Variants in ZCCHC14 observed in about 807,000 individuals in gnomAD.
ZCCHC14 encodes the protein zinc finger CCHC-type containing 14, also known as zinc finger CCHC domain-containing protein 14.
ZCCHC14 carries 16 observed loss-of-function variants against 85.0 expected under a neutral mutation model. The observed-to-expected ratio is 0.19, with a 90% CI of 0.13 to 0.29. The LOEUF is 0.29. ZCCHC14 is among the 10% of genes least tolerant of loss of function. ZCCHC14 has a pLI of 1.00. For missense variants in ZCCHC14, 1,303 were observed against 1,443.5 expected, an observed-to-expected ratio of 0.90 and a Z score of 1.58; for synonymous variants, 775 against 630.7, an observed-to-expected ratio of 1.23 and a Z score of -3.43.
At position 87,492,860 on chromosome 16, in the gene ZCCHC14, C is replaced by T. The variant is rs1419811801; in HGVS notation, c.-622G>A. On this transcript the variant is annotated 5_prime_UTR_variant, in exon 1 of 13. Transcript: ENST00000671377. The surrounding 1 kb of genome is among the most constrained non-coding windows in gnomAD (Gnocchi z 6.7). ...GAGGCGCGGAGGGATCCGGCCGGGA[C>T]TTGCCGGCCTTGCTGCTCCCGCGCG... is the stretch of plus-strand genomic sequence containing the variant. 6.7e-6 allele frequency among the ~76,000 whole-genome samples: 1 copy of T among 148,328 alleles called. No homozygotes were observed. The highest frequency in any genetic ancestry group is 2.0e-4 in the East Asian group (1 of 5,094).
At chr16:87,469,406 T>C (rs139734339) in intron 1 of ZCCHC14, among the ~76,000 whole-genome samples, 1,922 of 152,326 alleles carry the variant, frequency 0.013, 22 homozygotes, top group Non-Finnish European at 0.021. Context: ...AAGTGCAGAC[T>C]TTAGGTCCTG....
intron 1 of ZCCHC14, among the ~76,000 whole-genome samples, chr16:87,489,570 G>A (rs1429373916): frequency 1.3e-5 from 2 of 152,194 alleles, no homozygotes; most frequent in African/African-American, 2.4e-5. Flanking sequence ...AAGCCTGTGA[G>A]GTAGGTTACA....
At chr16:87,475,014 A>C (rs1029868527) in intron 1 of ZCCHC14, among the ~76,000 whole-genome samples, 1 of 152,234 alleles carries the variant, frequency 6.6e-6, no homozygotes, top group African/African-American at 2.4e-5. Context: ...GAGTTTCTAC[A>C]ACAGATCACT....
intron 2 of ZCCHC14, among the ~76,000 whole-genome samples, chr16:87,434,536 G>A (rs959718144): frequency 6.6e-5 from 10 of 152,348 alleles, no homozygotes; most frequent in South Asian, 2.1e-4. Flanking sequence ...TTTGTCCAAC[G>A]TGAAATACTC....
Position 87,420,598 on chromosome 16 carries a change from G to C in ZCCHC14, c.950+9C>G. ...TGTGGACGCGCCGGGTGCCTGGTAA[G>C]GGCCTCACCTCAGGCCTGAGTCCAG... On this transcript the variant is annotated intron_variant, in intron 5 of 12. Transcript: ENST00000671377. The surrounding 1 kb of genome is among the most constrained non-coding windows in gnomAD (Gnocchi z 5.0). 1 of 1,609,288 alleles carries C rather than the reference G, an allele frequency of 6.2e-7. No individual in the cohort carries two copies. Among genetic ancestry groups the C allele is most frequent in the Non-Finnish European group, 8.5e-7 (1 of 1,177,442 alleles).
chr16:87,412,189 G>A lies in ZCCHC14; in HGVS notation c.2532C>T (p.Ala844=), dbSNP rs566782487. The A allele has an allele frequency of 1.8e-5, 29 of 1,614,046 alleles. No individual in the cohort carries two copies. The East Asian group carries it at 5.8e-4, about 32-fold the overall frequency. The change falls in exon 12 of 13, where the codon GCC becomes GCT. Residue 844 remains alanine, a synonymous_variant. Transcript: ENST00000671377. ...ACGTGGAGGGGTGGCTGCTGGGAGA[G>A]GCAGTGTTGCTGTTTGCACAGAAGC... is the stretch of plus-strand genomic sequence containing the variant. ...QGGFCANSNT[A]SPSSHPSTSF...
At chr16:87,458,534 T>C (rs1055541409) in intron 2 of ZCCHC14, among the ~76,000 whole-genome samples, 1 of 152,130 alleles carries the variant, frequency 6.6e-6, no homozygotes, top group African/African-American at 2.4e-5. Flanking sequence ...TACCATACCG[T>C]GCTCATTACA....
intron 4 of ZCCHC14, among the ~76,000 whole-genome samples, chr16:87,421,919 G>C (rs1053202895): frequency 2.6e-5 from 4 of 151,726 alleles, no homozygotes; most frequent in East Asian, 3.9e-4. Flanking sequence ...GTCAACATTT[G>C]CAAGACATAC....
Position 87,491,820 on chromosome 16 carries a change from G to T in ZCCHC14, c.419C>A (p.Ser140Tyr). The T allele has an allele frequency of 6.3e-7, 1 of 1,585,214 alleles. No individual in the cohort carries two copies. Among genetic ancestry groups the T allele is most frequent in the South Asian group, 1.1e-5 (1 of 87,618 alleles). ...DEFLLLFTMA[S>Y]NHPAFSFHQK... ...GTGGAAGCTGAAGGCCGGGTGGTTGGAGGCCATGGTGAACAGCAGCAGGAA... is the reference window on the plus strand; with the variant it reads ...GTGGAAGCTGAAGGCCGGGTGGTTGTAGGCCATGGTGAACAGCAGCAGGAA... The change falls in exon 1 of 13, where the codon TCC becomes TAC. Residue 140 changes from serine (S) to tyrosine (Y), a missense_variant. Around this residue, in one of 7 missense-constraint regions of ZCCHC14, gnomAD observed 389 missense variants for 397.8 expected, o/e 0.98. Transcript: ENST00000671377. This position sits in a 1 kb window ranked among gnomAD's most constrained non-coding sequence, Gnocchi z 5.9.
chr16:87,411,440 C>T, intron 12 of ZCCHC14, 76 bp downstream of exon 12: 1 of 1,558,784 alleles, frequency 6.4e-7, no homozygotes, highest in Non-Finnish European at 8.6e-7. Flanking sequence ...AAGAAGTTTA[C>T]TCTTCATAAA....
rs1908326668 is a variant in ZCCHC14 at position 87,409,168 on chromosome 16, T to A, written c.*1112A>T. On this transcript the variant is annotated 3_prime_UTR_variant, in exon 13 of 13. Transcript: ENST00000671377. Reference sequence around the variant, plus strand: ...CCAAGTAATTTTTAACGGAATTAACTATCAATACACAGCCTAATACAAAAG... The same window carrying A: ...CCAAGTAATTTTTAACGGAATTAACAATCAATACACAGCCTAATACAAAAG... 1 of 152,308 alleles carries A rather than the reference T, an allele frequency of 6.6e-6. No individual in the cohort carries two copies. The highest frequency in any genetic ancestry group is 1.5e-5 in the Non-Finnish European group (1 of 68,054). The allele number at this position is 152,308 out of a possible 1,614,324, so 9.4% of individuals were successfully genotyped here. A position where few individuals can be genotyped will look rare whatever the true frequency, so the allele number is the denominator to read the frequency against.
At chr16:87,452,286 A>T (rs956892082) in intron 2 of ZCCHC14, among the ~76,000 whole-genome samples, 2 of 152,246 alleles carry the variant, frequency 1.3e-5, no homozygotes, top group Non-Finnish European at 2.9e-5. Flanking sequence ...CAATGTGGGA[A>T]CCATGTTGAG....
At chr16:87,483,581 G>A (rs542964184) in intron 1 of ZCCHC14, among the ~76,000 whole-genome samples, 13 of 152,218 alleles carry the variant, frequency 8.5e-5, no homozygotes, top group South Asian at 4.1e-4. Flanking sequence ...CAATGAAATC[G>A]TTTACTTGAA....
chr16:87,479,904 A>G (rs1367003845), intron 1 of ZCCHC14, among the ~76,000 whole-genome samples: 1 of 151,694 alleles, frequency 6.6e-6, no homozygotes, highest in Admixed American at 6.6e-5. Context: ...GTTCTTCCCA[A>G]TGAAAGCTTT....
chr16:87,424,505 A>C (rs754615793), intron 3 of ZCCHC14, among the ~76,000 whole-genome samples: 4 of 152,156 alleles, frequency 2.6e-5, no homozygotes, highest in Non-Finnish European at 5.9e-5. Flanking sequence ...AGCCCTTGTG[A>C]GCATCAGCTT....
chr16:87,424,302 C>T (rs750556491), intron 3 of ZCCHC14, among the ~76,000 whole-genome samples: 29 of 152,278 alleles, frequency 1.9e-4, no homozygotes, highest in Non-Finnish European at 2.8e-4. Flanking sequence ...GCCCGTGGTG[C>T]GCCCGCCCAG....
chr16:87,422,946 G>C (rs747497052), intron 4 of ZCCHC14, among the ~76,000 whole-genome samples: 2 of 152,250 alleles, frequency 1.3e-5, no homozygotes, highest in African/African-American at 2.4e-5. Flanking sequence ...TGGCACTGTC[G>C]TGTTCTTCAA....
chr16:87,454,601 G>C (rs1366752599), intron 2 of ZCCHC14, among the ~76,000 whole-genome samples: 3 of 152,258 alleles, frequency 2.0e-5, no homozygotes, highest in Non-Finnish European at 4.4e-5. Flanking sequence ...CAGAACTGCA[G>C]TGAAAGAAAT....
rs773086696 is a variant in ZCCHC14, at chr16:87,491,879, C to T, written c.360G>A (p.Gly120=). 1.2e-5 allele frequency: 19 copies of T among 1,547,676 alleles called. No homozygotes were observed. The highest frequency in any genetic ancestry group is 1.6e-5 in the Non-Finnish European group (19 of 1,154,940). The change falls in exon 1 of 13, where the codon GGG becomes GGA. Residue 120 remains glycine (G), a synonymous_variant. Coordinates refer to ENST00000671377, the MANE Select transcript of ZCCHC14 (RefSeq NM_015144.3). The surrounding 1 kb of genome is among the most constrained non-coding windows in gnomAD (Gnocchi z 5.9). The part of the protein sequence containing the change: ...THIDSIIHNY[G]LQLNEGRTGD... ...CCGTGCGGCCCTCGTTAAGCTGCAG[C>T]CCGTAGTTGTGGATGATGGAGTCGA...
Sources: allele counts gnomAD v4.1 joint callset (sites outside exome capture counted in the v4.1 genomes callset), GRCh38; gene constraint gnomAD v4.1.1; regional missense constraint gnomAD v4.1.1; non-coding constraint Gnocchi (gnomAD v3.1); transcripts MANE v1.5; gene names NCBI Gene and HGNC (gene_info 2026-07-23, HGNC 2026-07-21).